Variants in IGSF21 observed in about 807,000 individuals in gnomAD.
IGSF21 encodes immunoglobin superfamily member 21, also known as immunoglobulin superfamily member 21.
In IGSF21, 28 loss-of-function variants were observed where a neutral mutation model predicts 46.8. That is an observed-to-expected ratio of 0.60 (90% CI 0.44 to 0.82). IGSF21 has a LOEUF of 0.82. Ranked by LOEUF, IGSF21 falls within the 40% of genes least tolerant of loss-of-function variation. The pLI is 0.00. For synonymous variants in IGSF21, 284 were observed against 273.6 expected, an observed-to-expected ratio of 1.04 and a Z score of -0.38; for missense variants, 624 against 665.5, an observed-to-expected ratio of 0.94 and a Z score of 0.69.
At chr1:18,323,820 G>T (rs2085629708) in intron 3 of IGSF21, among the ~76,000 whole-genome samples, 1 of 152,160 alleles carries the variant, frequency 6.6e-6, no homozygotes, top group Non-Finnish European at 1.5e-5. Context: ...CCATTTTCAG[G>T]TTGGGGGGCG....
At chr1:18,300,773 A>C (rs1291889423) in intron 3 of IGSF21, among the ~76,000 whole-genome samples, 1 of 152,152 alleles carries the variant, frequency 6.6e-6, no homozygotes, top group Non-Finnish European at 1.5e-5. Flanking sequence ...TCCAGCTAGA[A>C]GTTCCACTGG....
At chr1:18,269,693 C>T (rs1381478403) in intron 2 of IGSF21, among the ~76,000 whole-genome samples, 2 of 152,116 alleles carry the variant, frequency 1.3e-5, no homozygotes, top group Non-Finnish European at 2.9e-5. Flanking sequence ...GCTAGATACC[C>T]CCAGTCTGAA....
chr1:18,150,355 T>C (rs1034954364), intron 1 of IGSF21, among the ~76,000 whole-genome samples: 1 of 152,102 alleles, frequency 6.6e-6, no homozygotes, highest in Admixed American at 6.5e-5. Context: ...TTACGGAGGC[T>C]GGGAGGATTG....
At chr1:18,139,347 G>C in intron 1 of IGSF21, among the ~76,000 whole-genome samples, 1 of 148,210 alleles carries the variant, frequency 6.7e-6, no homozygotes, top group South Asian at 2.1e-4. Context: ...CAGGGTTCCG[G>C]GAGCTGTCTA....
chr1:18,238,509 T>A (rs1422684250), intron 2 of IGSF21, among the ~76,000 whole-genome samples: 1 of 152,158 alleles, frequency 6.6e-6, no homozygotes, highest in African/African-American at 2.4e-5. Flanking sequence ...GAGCGGTTTT[T>A]GACCAAGCAA....
intron 2 of IGSF21, among the ~76,000 whole-genome samples, chr1:18,240,313 C>G (rs769985586): frequency 6.6e-6 from 1 of 152,162 alleles, no homozygotes; most frequent in South Asian, 2.1e-4. Context: ...AAAACAAATA[C>G]GCAAAACAAG....
intron 2 of IGSF21, among the ~76,000 whole-genome samples, chr1:18,285,697 C>T (rs2085206406): frequency 6.6e-6 from 1 of 152,186 alleles, no homozygotes; most frequent in African/African-American, 2.4e-5. Context: ...AAAAGAGACA[C>T]CTGTTCTTAA....
intron 1 of IGSF21, among the ~76,000 whole-genome samples, chr1:18,124,363 A>C (rs2086258300): frequency 6.6e-6 from 1 of 152,210 alleles, no homozygotes; most frequent in African/African-American, 2.4e-5. Context: ...TGCCACTAGT[A>C]TCCTCATTTT....
intron 2 of IGSF21, among the ~76,000 whole-genome samples, chr1:18,267,546 A>T (rs1487905764): frequency 6.6e-6 from 1 of 152,128 alleles, no homozygotes; most frequent in African/African-American, 2.4e-5. Context: ...TCAGAGGGAG[A>T]GTGGAAAGAG....
intron 1 of IGSF21, among the ~76,000 whole-genome samples, chr1:18,201,149 C>G (rs2087069979): frequency 6.6e-6 from 1 of 152,078 alleles, no homozygotes; most frequent in East Asian, 1.9e-4. Context: ...GAGCTGGGGA[C>G]TGGAGGAAGG....
intron 1 of IGSF21, among the ~76,000 whole-genome samples, chr1:18,148,129 CTTT>C (rs58426436): frequency 1.6e-4 from 17 of 108,298 alleles, no homozygotes; most frequent in Non-Finnish European, 2.8e-4. Flanking sequence ...CAAGTATGTC[CTTT>C]TTTTTTTTTT....
rs541051274 is a variant in IGSF21, at chr1:18,180,200, A to C, written c.71-47698A>C. ...TAGGGTATAATAGAATATACGCTGC[A>C]TGTGGCGAGGTGTAGATGTTTACCA... On this transcript the variant is annotated intron_variant, in intron 1 of 9. Coordinates refer to ENST00000251296, the MANE Select transcript of IGSF21 (RefSeq NM_032880.5). Among the ~76,000 whole-genome samples, 17 of 152,308 alleles carry C rather than the reference A, an allele frequency of 1.1e-4. 1 individual carries two copies. In the South Asian group the frequency reaches 3.1e-3, roughly 28 times the overall value.
chr1:18,144,370 A>G (rs747896), intron 1 of IGSF21, among the ~76,000 whole-genome samples: 61,175 of 151,942 alleles, frequency 0.4, 14,412 homozygotes, highest in East Asian at 0.66. Flanking sequence ...CCTTGGACTC[A>G]GTTCCCCAGG....
In IGSF21 at chr1:18,252,471, C is replaced by T. The variant is rs771660988; in HGVS notation, c.183+24461C>T. Among the ~76,000 whole-genome samples, 112 of 152,294 alleles carry T rather than the reference C, an allele frequency of 7.4e-4. 1 individual carries two copies. The highest frequency in any genetic ancestry group is 1.3e-3 in the Non-Finnish European group (90 of 68,030). On this transcript the variant is annotated intron_variant, in intron 2 of 9. Transcript: ENST00000251296. ...AAAGAGTGAGTGCTTCAGAGGTGGC[C>T]GTAGCTTTGCTCCAGTCACAGAGGC... is the stretch of plus-strand genomic sequence containing the variant.
chr1:18,215,060 T>C (rs1179803827), intron 1 of IGSF21, among the ~76,000 whole-genome samples: 2 of 152,082 alleles, frequency 1.3e-5, no homozygotes, highest in Non-Finnish European at 2.9e-5. Flanking sequence ...TTTTAAACCA[T>C]CAGATCTCAT....
intron 2 of IGSF21, among the ~76,000 whole-genome samples, chr1:18,234,601 A>T (rs138698262): frequency 0.011 from 1,718 of 152,210 alleles, 24 homozygotes; most frequent in African/African-American, 0.038. Flanking sequence ...ATCATGGTGG[A>T]AGGGGAAGCG....
At chr1:18,256,688 G>A (rs544709582) in intron 2 of IGSF21, among the ~76,000 whole-genome samples, 2 of 152,272 alleles carry the variant, frequency 1.3e-5, no homozygotes, top group East Asian at 3.9e-4. Flanking sequence ...AGGTTCACTG[G>A]GAAGGCTTTG....
chr1:18,350,839 C>CG (rs2085945043), intron 4 of IGSF21, among the ~76,000 whole-genome samples: 5 of 152,134 alleles, frequency 3.3e-5, no homozygotes, highest in South Asian at 4.1e-4. Context: ...CAGAGCCCCC[C>CG]GGGAAATCTC....
chr1:18,190,605 G>C (rs2124475706), intron 1 of IGSF21, among the ~76,000 whole-genome samples: 1 of 152,322 alleles, frequency 6.6e-6, no homozygotes, highest in East Asian at 1.9e-4. Context: ...AACTCTGCTG[G>C]GCAGTGCTGG....
Sources: gnomAD v4.1 joint callset for allele counts (sites outside exome capture counted in the v4.1 genomes callset) on GRCh38, gnomAD v4.1.1 for gene constraint, MANE v1.5 for transcripts, NCBI Gene and HGNC (gene_info 2026-07-23, HGNC 2026-07-21) for gene names.